Variants in ZMPSTE24 observed in about 807,000 individuals in gnomAD.
The protein encoded by ZMPSTE24 is CAAX prenyl protease 1 homolog.
ZMPSTE24 carries 48 observed loss-of-function variants against 56.7 expected under a neutral mutation model. The observed-to-expected ratio is 0.85, with a 90% CI of 0.67 to 1.08. ZMPSTE24 has a LOEUF of 1.08. Among genes scored for constraint, ZMPSTE24 ranks in the 50% least tolerant of loss-of-function variants. ZMPSTE24 has a pLI of 0.00. For synonymous variants in ZMPSTE24, 172 were observed against 195.2 expected, an observed-to-expected ratio of 0.88 and a Z score of 0.99; for missense variants, 503 against 548.7, an observed-to-expected ratio of 0.92 and a Z score of 0.83.
Position 40,292,886 on chromosome 1 carries a change from G to C in ZMPSTE24, c.*217G>C, listed in dbSNP as rs763742663. 1 of 458,046 alleles carries C rather than the reference G, an allele frequency of 2.2e-6. No individual in the cohort carries two copies. Among genetic ancestry groups the C allele is most frequent in the Non-Finnish European group, 3.9e-6 (1 of 255,808 alleles). The allele number at this position is 458,046 out of a possible 1,614,324, so 28.4% of individuals were successfully genotyped here. A position where few individuals can be genotyped will look rare whatever the true frequency, so the allele number is the denominator to read the frequency against. On this transcript the variant is annotated 3_prime_UTR_variant, in exon 10 of 10. Transcript: ENST00000372759. ...GAAGCTTAATGTTTTTAAAGGCATA[G>C]TTTTATCTTTGACATCTAATTTACC...
chr1:40,262,897 T>G, intron 2 of ZMPSTE24: 1 of 1,112,986 alleles, frequency 9.0e-7, no homozygotes, highest in Non-Finnish European at 1.1e-6. Flanking sequence ...AGAGTTCTTG[T>G]TCTATACTGA....
chr1:40,280,205 G>A (rs924121177), intron 6 of ZMPSTE24, among the ~76,000 whole-genome samples: 1 of 152,048 alleles, frequency 6.6e-6, no homozygotes, highest in East Asian at 1.9e-4. Flanking sequence ...GATCAGCTCC[G>A]ATGATTGCTC....
chr1:40,270,272 T>A, intron 5 of ZMPSTE24, 145 bp downstream of exon 5: 2 of 1,003,038 alleles, frequency 2.0e-6, no homozygotes, highest in Admixed American at 2.0e-5. Context: ...TTTCTGCTTT[T>A]GATTGTAGAC....
chr1:40,266,721 T>A (rs1016924702), intron 2 of ZMPSTE24, among the ~76,000 whole-genome samples: 1 of 151,632 alleles, frequency 6.6e-6, no homozygotes, highest in African/African-American at 2.4e-5. Flanking sequence ...GTGGTTCAAA[T>A]TCCATTTCTA....
intron 8 of ZMPSTE24, among the ~76,000 whole-genome samples, chr1:40,289,745 T>C (rs1643821207): frequency 6.6e-6 from 1 of 152,224 alleles, no homozygotes; most frequent in Non-Finnish European, 1.5e-5. Flanking sequence ...TTTTTATTTT[T>C]TTCTCCTCTC....
intron 7 of ZMPSTE24, among the ~76,000 whole-genome samples, chr1:40,282,077 T>G (rs892759400): frequency 4.6e-5 from 7 of 152,184 alleles, no homozygotes; most frequent in Non-Finnish European, 7.3e-5. Flanking sequence ...TGAGAGACTT[T>G]ACTTGGCACT....
At chr1:40,283,486 C>CA (rs1242098505) in intron 7 of ZMPSTE24, among the ~76,000 whole-genome samples, 13 of 150,162 alleles carry the variant, frequency 8.7e-5, no homozygotes, top group South Asian at 2.1e-4. Context: ...GCCTGGGTGA[C>CA]AAAGTGAGAC....
intron 2 of ZMPSTE24, among the ~76,000 whole-genome samples, chr1:40,263,732 T>TC (rs1643521078): frequency 6.9e-6 from 1 of 145,982 alleles, no homozygotes; most frequent in Non-Finnish European, 1.5e-5. Context: ...AGCTTCGACT[T>TC]TTTTTTTTTT....
intron 2 of ZMPSTE24, among the ~76,000 whole-genome samples, chr1:40,261,352 T>A (rs988969932): frequency 7.0e-6 from 1 of 143,148 alleles, no homozygotes; most frequent in Non-Finnish European, 1.5e-5. Context: ...TTTGCCTGGA[T>A]TTTTTTTTTT....
At chr1:40,280,554 A>C (rs1643718912) in intron 6 of ZMPSTE24, among the ~76,000 whole-genome samples, 1 of 151,822 alleles carries the variant, frequency 6.6e-6, no homozygotes, top group Non-Finnish European at 1.5e-5. Context: ...CCCCACGTGT[A>C]GCTGGGATGA....
In ZMPSTE24 at chr1:40,292,949, G is replaced by A. The variant is rs758895486; in HGVS notation, c.*280G>A. 2.0e-5 allele frequency: 7 copies of A among 353,546 alleles called. No individual in the cohort carries two copies. The highest frequency in any genetic ancestry group is 1.1e-4 in the African/African-American group (5 of 46,926). 21.9% of individuals were successfully genotyped at this position (353,546 alleles called of 1,614,324 possible). A position where few individuals can be genotyped will look rare whatever the true frequency, so the allele number is the denominator to read the frequency against. On this transcript the variant is annotated 3_prime_UTR_variant, in exon 10 of 10. Transcript: ENST00000372759. ...AATTATTTGGAAAAATACAGAACTC[G>A]TTTTATTTGTATACTTATATGGAAT...
intron 2 of ZMPSTE24, 127 bp from the exon 3 acceptor site, chr1:40,267,659 C>T (rs868253716): frequency 8.5e-6 from 6 of 705,904 alleles, no homozygotes; most frequent in Middle Eastern, 3.2e-4. Context: ...CATGAGCCAC[C>T]GTACTGGCCT....
At chr1:40,283,181 C>T (rs1290839337) in intron 7 of ZMPSTE24, among the ~76,000 whole-genome samples, 1 of 152,256 alleles carries the variant, frequency 6.6e-6, no homozygotes, top group South Asian at 2.1e-4. Flanking sequence ...CCAGTGATAA[C>T]ACTAGAGAAT....
chr1:40,259,228 T>C (rs1039745215), intron 1 of ZMPSTE24: 1 of 152,222 alleles, frequency 6.6e-6, no homozygotes, highest in African/African-American at 2.4e-5. Flanking sequence ...ATTATTTTAG[T>C]TTAAATATTA....
At position 40,286,001 on chromosome 1, in the gene ZMPSTE24, A is replaced by T; in HGVS notation, c.1031A>T (p.His344Leu). 1 of 1,614,038 alleles carries T rather than the reference A, an allele frequency of 6.2e-7. No homozygotes were observed. Among genetic ancestry groups the T allele is most frequent in the Non-Finnish European group, 8.5e-7 (1 of 1,179,906 alleles). ...GHELGHWKLG[H>L]TVKNIIISQM... The stretch of plus-strand genomic sequence containing the variant: ...GAACTGGGGCACTGGAAGTTGGGAC[A>T]TACAGTCAAAAATATCATTATTAGC... The change falls in exon 8 of 10, where the codon CAT (histidine) becomes CTT (leucine). Residue 344 changes from histidine (H) to leucine (L), a missense_variant. Transcript: ENST00000372759.
At chr1:40,286,176 G>A in intron 8 of ZMPSTE24, 147 bp downstream of exon 8, 1 of 714,070 alleles carries the variant, frequency 1.4e-6, no homozygotes, top group Admixed American at 2.2e-5. Flanking sequence ...CTTACTACCT[G>A]TGTGACCTCA....
chr1:40,288,612 C>T (rs1051315318), intron 8 of ZMPSTE24, among the ~76,000 whole-genome samples: 51 of 152,184 alleles, frequency 3.4e-4, no homozygotes, highest in South Asian at 2.1e-4. Flanking sequence ...AGTCATGGAG[C>T]GGCTACAGAG....
rs1414496562 is a variant in ZMPSTE24 at position 40,267,818 on chromosome 1, C to G, written c.303C>G (p.Leu101=). Residue 101 remains leucine (L), a synonymous_variant, in exon 3 of 10, where the codon CTC becomes CTG. Transcript: ENST00000372759. The part of the protein sequence containing the change: ...LILLFGGIPY[L]WRLSGRFCGY... ...TTCTCTTTGGAGGAATACCTTATCTCTGGAGACTTTCTGGACGGTTCTGTG... is the reference window on the plus strand; with the variant it reads ...TTCTCTTTGGAGGAATACCTTATCTGTGGAGACTTTCTGGACGGTTCTGTG... 1 of 1,613,896 alleles carries G rather than the reference C, an allele frequency of 6.2e-7. No individual in the cohort carries two copies. The highest frequency in any genetic ancestry group is 8.5e-7 in the Non-Finnish European group (1 of 1,179,818).
At chr1:40,276,349 G>A (rs1022035417) in intron 6 of ZMPSTE24, among the ~76,000 whole-genome samples, 9 of 152,162 alleles carry the variant, frequency 5.9e-5, no homozygotes, top group African/African-American at 1.7e-4. Flanking sequence ...AAGAGAAGGG[G>A]ACCAGGGTCA....
Sources: allele counts gnomAD v4.1 joint callset (sites outside exome capture counted in the v4.1 genomes callset), GRCh38; gene constraint gnomAD v4.1.1; transcripts MANE v1.5; gene names NCBI Gene and HGNC (gene_info 2026-07-23, HGNC 2026-07-21).